ATP13A5: variants seen among roughly 807,000 people sequenced by gnomAD.
The protein encoded by ATP13A5 is ATPase 13A5.
A neutral mutation model predicts 150.2 loss-of-function variants in ATP13A5; 149 were observed. The observed-to-expected ratio is 0.99, with a 90% CI of 0.87 to 1.14. The LOEUF is 1.14. ATP13A5 is among the 50% of genes most tolerant of loss of function. ATP13A5 has a pLI of 0.00. For synonymous variants in ATP13A5, 497 were observed against 522.2 expected (o/e 0.95, Z 0.66); for missense variants, 1,383 against 1,449.3 (o/e 0.95, Z 0.74).
At chr3:193,356,779 T>C (rs1421565650) in intron 5 of ATP13A5, among the ~76,000 whole-genome samples, 2 of 152,188 alleles carry the variant, frequency 1.3e-5, no homozygotes, top group Admixed American at 1.3e-4. Flanking sequence ...TCCCTCTAGT[T>C]TCCTAGAGTC....
intron 25 of ATP13A5, 67 bp downstream of exon 25, chr3:193,299,064 G>A (rs1017912677): frequency 7.4e-7 from 1 of 1,354,086 alleles, no homozygotes; most frequent in African/African-American, 1.5e-5. Context: ...GTTCCTTTTT[G>A]TGTGACTGTT....
intron 20 of ATP13A5, among the ~76,000 whole-genome samples, 157 bp downstream of exon 20, chr3:193,311,659 A>G (rs1181183805): frequency 6.6e-6 from 1 of 152,202 alleles, no homozygotes; most frequent in Non-Finnish European, 1.5e-5. Flanking sequence ...AGGCATAAAA[A>G]GGGCCAGAAA....
intron 27 of ATP13A5, among the ~76,000 whole-genome samples, chr3:193,281,831 T>G (rs1717510231): frequency 6.6e-6 from 1 of 152,150 alleles, no homozygotes; most frequent in South Asian, 2.1e-4. Context: ...CCCACAAGCT[T>G]TAAGTCACTG....
intron 25 of ATP13A5, among the ~76,000 whole-genome samples, chr3:193,297,801 T>A (rs1468688537): frequency 6.6e-6 from 1 of 152,042 alleles, no homozygotes; most frequent in Non-Finnish European, 1.5e-5. Flanking sequence ...ATAACTAATA[T>A]CATGGAATTA....
Position 193,334,950 on chromosome 3 carries a change from G to C in ATP13A5, c.1093C>G (p.Arg365Gly), listed in dbSNP as rs139354114. The change falls in exon 10 of 30, where the codon CGA becomes GGA. Residue 365 changes from arginine (R) to glycine (G), a missense_variant. Transcript: ENST00000342358. Reference sequence around the variant, plus strand: ...TAACCTGTTTGCAAAACGACTGCTCGTACAGGCCCCTGCCCAGAGGGCTTG... The same window carrying C: ...TAACCTGTTTGCAAAACGACTGCTCCTACAGGCCCCTGCCCAGAGGGCTTG... The part of the protein sequence containing the change: ...QVKPSGQGPV[R>G]AVVLQTGYNT... The C allele has an allele frequency of 2.5e-6, 4 of 1,613,418 alleles. No homozygotes were observed. The African/African-American group carries it at 5.3e-5, about 22-fold the overall frequency.
chr3:193,335,573 T>TG (rs1711822734), intron 9 of ATP13A5, among the ~76,000 whole-genome samples: 1 of 152,200 alleles, frequency 6.6e-6, no homozygotes, highest in Non-Finnish European at 1.5e-5. Context: ...AGGAATATGA[T>TG]GAACAAGAGA....
At chr3:193,375,050 C>T (rs1044381466) in intron 1 of ATP13A5, among the ~76,000 whole-genome samples, 1 of 152,150 alleles carries the variant, frequency 6.6e-6, no homozygotes, top group Non-Finnish European at 1.5e-5. Flanking sequence ...TATGAATCAC[C>T]CAGTCTGTGG....
In ATP13A5 at chr3:193,301,257, G is replaced by A. The variant is rs147279605; in HGVS notation, c.2729C>T (p.Thr910Ile). Residue 910 changes from threonine to isoleucine, a missense_variant, in exon 24 of 30, where the codon ACC becomes ATC. Thr to Ile is a moderately conservative substitution (Grantham distance 89, BLOSUM62 -1). Transcript: ENST00000342358. ...VSSFGVFKYL[T>I]MYGIIQFISA... ...GATAAACTGGATTATGCCGTACATG[G>A]TCAAGTATTTAAATACTCCAAAGGA... The A allele has an allele frequency of 6.9e-5, 112 of 1,613,322 alleles. No homozygotes were observed. Among genetic ancestry groups the A allele is most frequent in the African/African-American group, 9.4e-5 (7 of 74,864 alleles).
At chr3:193,328,424 A>C (rs546571310) in intron 12 of ATP13A5, among the ~76,000 whole-genome samples, 4 of 152,222 alleles carry the variant, frequency 2.6e-5, no homozygotes, top group Non-Finnish European at 5.9e-5. Flanking sequence ...TCGGTTTCCA[A>C]ATCCCCTCAA....
At chr3:193,378,250 G>A (rs1244269963) in intron 1 of ATP13A5, among the ~76,000 whole-genome samples, 1 of 152,098 alleles carries the variant, frequency 6.6e-6, no homozygotes, top group Admixed American at 6.6e-5. Flanking sequence ...TCAGCCCAGA[G>A]CCCCCTAAGC....
chr3:193,343,445 G>T (rs1712204552), intron 9 of ATP13A5, among the ~76,000 whole-genome samples: 1 of 152,154 alleles, frequency 6.6e-6, no homozygotes, highest in South Asian at 2.1e-4. Flanking sequence ...TTGCCCGGAG[G>T]TTCAACTCAA....
rs772414886 is a variant in ATP13A5 at position 193,364,118 on chromosome 3, G to A, written c.226C>T (p.Leu76=). The A allele has an allele frequency of 6.2e-6, 10 of 1,614,000 alleles. No homozygotes were observed. The highest frequency in any genetic ancestry group is 5.9e-6 in the Non-Finnish European group (7 of 1,179,940). The change falls in exon 2 of 30, where the codon CTG becomes TTG. Residue 76 remains leucine (L), a synonymous_variant. Transcript: ENST00000342358. ...AGAAAGGCACGCACTGTTGTCCTCA[G>A]CAAAACAGTGTCTGCTTCTTGCAAG... The part of the protein sequence containing the change: ...CPLQEADTVL[L]RTTDEFQRYM...
chr3:193,288,578 T>C (rs1717818404), intron 26 of ATP13A5, among the ~76,000 whole-genome samples: 1 of 124,388 alleles, frequency 8.0e-6, no homozygotes, highest in South Asian at 2.8e-4. Flanking sequence ...GCACACTTGA[T>C]AGACTACAGT....
chr3:193,325,132 G>C (rs1026910230), intron 13 of ATP13A5, 118 bp from the exon 14 acceptor site: 2 of 924,790 alleles, frequency 2.2e-6, no homozygotes, highest in Non-Finnish European at 3.2e-6. Flanking sequence ...CCTTCCCATG[G>C]CTCCCTATGC....
At chr3:193,365,387 T>G (rs1226410596) in intron 1 of ATP13A5, among the ~76,000 whole-genome samples, 1 of 152,132 alleles carries the variant, frequency 6.6e-6, no homozygotes, top group African/African-American at 2.4e-5. Flanking sequence ...GAGAAAAAAG[T>G]TCATTAAGTT....
intron 17 of ATP13A5, among the ~76,000 whole-genome samples, chr3:193,317,172 A>G (rs1211134967): frequency 2.0e-5 from 3 of 152,116 alleles, no homozygotes; most frequent in Non-Finnish European, 4.4e-5. Flanking sequence ...CTTCCTCTGG[A>G]TATCTGCGTG....
intron 1 of ATP13A5, among the ~76,000 whole-genome samples, chr3:193,369,781 T>A (rs1713379219): frequency 6.6e-6 from 1 of 152,174 alleles, no homozygotes; most frequent in Non-Finnish European, 1.5e-5. Context: ...AGGATTTAAC[T>A]TCTCTAATCT....
intron 5 of ATP13A5, among the ~76,000 whole-genome samples, chr3:193,355,136 T>C (rs887266615): frequency 6.6e-6 from 1 of 151,996 alleles, no homozygotes; most frequent in African/African-American, 2.4e-5. Flanking sequence ...TTCTCCATCT[T>C]GGTCAGGCTC....
Position 193,284,996 on chromosome 3 carries a change from C to T in ATP13A5, c.3144G>A (p.Trp1048Ter). Residue 1048 changes from tryptophan (W) to a stop codon, truncating the protein, a stop_gained, in exon 27 of 30, where the codon TGG (tryptophan) becomes TGA (stop). Coordinates refer to ENST00000342358, the MANE Select transcript of ATP13A5 (RefSeq NM_198505.4). LOFTEE classifies it high-confidence loss of function. ...SILSFETTTL[W>*]PITTINYITV... is the part of the protein sequence containing the mutation. ...TGATATAGTTGATGGTGGTGATGGG[C>T]CACAGTGTGGTGGTCTCAAAACTTA... 2 of 1,613,986 alleles carry T rather than the reference C, an allele frequency of 1.2e-6. No homozygotes were observed. The highest frequency in any genetic ancestry group is 8.5e-7 in the Non-Finnish European group (1 of 1,179,936).
Sources: gnomAD v4.1 joint callset for allele counts (sites outside exome capture counted in the v4.1 genomes callset) on GRCh38, gnomAD v4.1.1 for gene constraint, MANE v1.5 for transcripts, NCBI Gene and HGNC (gene_info 2026-07-23, HGNC 2026-07-21) for gene names.